Variants in ARAP3 observed in about 807,000 individuals in gnomAD.
ARAP3 encodes the protein arf-GAP with Rho-GAP domain, ANK repeat and PH domain-containing protein 3.
A neutral mutation model predicts 169.2 loss-of-function variants in ARAP3; 82 were observed. That is an observed-to-expected ratio of 0.48 (90% CI 0.41 to 0.58). ARAP3 has a LOEUF of 0.58. ARAP3 is among the 20% of genes least tolerant of loss of function. ARAP3 has a pLI of 0.00. For synonymous variants in ARAP3, 791 were observed against 800.3 expected (o/e 0.99, Z 0.20); for missense variants, 1,764 against 2,018.0 (o/e 0.87, Z 2.41).
intron 20 of ARAP3, 108 bp downstream of exon 20, chr5:141,661,935 T>TC: frequency 1.3e-6 from 2 of 1,516,118 alleles, no homozygotes; most frequent in Non-Finnish European, 1.8e-6. Flanking sequence ...CTCTGGATGA[T>TC]CCCCCAGGGT....
intron 2 of ARAP3, 44 bp downstream of exon 2, chr5:141,679,919 C>T (rs1354636184): frequency 3.1e-6 from 5 of 1,613,034 alleles, no homozygotes; most frequent in South Asian, 1.1e-5. Flanking sequence ...GCTCTCCTCC[C>T]CACTCCTCCC....
rs2099909536 is a variant in ARAP3, at chr5:141,658,651, C to T, written c.3339G>A (p.Leu1113=). 1 of 1,586,038 alleles carries T rather than the reference C, an allele frequency of 6.3e-7. No individual in the cohort carries two copies. The highest frequency in any genetic ancestry group is 1.2e-5 in the South Asian group (1 of 85,978). The change falls in exon 24 of 33, where the codon CTG becomes CTA. Residue 1113 remains leucine, a splice_region_variant and synonymous_variant. Transcript: ENST00000239440. ...CCATGATGAGGTCTCCAGCCTGAGACAGCTGAGGGGAGGGGTAAAAAAGTC... is the reference window on the plus strand; with the variant it reads ...CCATGATGAGGTCTCCAGCCTGAGATAGCTGAGGGGAGGGGTAAAAAAGTC... The part of the protein sequence containing the change: ...SLITTWKDVQ[L]SQAGDLIMEV...
At chr5:141,667,564 G>T (rs2099910830) in intron 16 of ARAP3, among the ~76,000 whole-genome samples, 1 of 150,928 alleles carries the variant, frequency 6.6e-6, no homozygotes, top group Admixed American at 6.6e-5. Flanking sequence ...CTCCCGAGTA[G>T]CTGGGACTAT....
chr5:141,655,295 G>A (rs574237739), intron 32 of ARAP3, 67 bp downstream of exon 32: 45 of 1,531,112 alleles, frequency 2.9e-5, no homozygotes, highest in South Asian at 2.5e-4. Flanking sequence ...CAGCACACCC[G>A]GGGCTCAGGC....
In ARAP3 at chr5:141,671,469, T is replaced by C; in HGVS notation, c.1855-69A>G. The C allele has an allele frequency of 6.3e-7, 1 of 1,598,842 alleles. No individual in the cohort carries two copies. Among genetic ancestry groups the C allele is most frequent in the Non-Finnish European group, 8.5e-7 (1 of 1,172,644 alleles). ...GAGAGCACTGGGGACAGTCGTATCA[T>C]CACTAAAAACAGTCCCCACCACCCA... is the stretch of plus-strand genomic sequence containing the variant. On this transcript the variant is annotated intron_variant, in intron 12 of 32. Transcript: ENST00000239440. The surrounding 1 kb of genome is among the most constrained non-coding windows in gnomAD (Gnocchi z 4.9).
rs781474488 is a variant in ARAP3, at chr5:141,654,181, G to T, written c.4404C>A (p.Gly1468=). 1.2e-6 allele frequency: 2 copies of T among 1,613,982 alleles called. No homozygotes were observed. Among genetic ancestry groups the T allele is most frequent in the Admixed American group, 1.7e-5 (1 of 60,026 alleles). ...CCTGGGGACTGCTCTTTGAAGGGGG[G>T]CCTGGAGGGGGCTCAGGTGGCCTCT... is the stretch of plus-strand genomic sequence containing the variant. The part of the protein sequence containing the change: ...QEERPPEPPP[G]PPSKSSPQAR... The change falls in exon 33 of 33, where the codon GGC becomes GGA. Residue 1468 remains glycine (G), a synonymous_variant. Transcript: ENST00000239440.
chr5:141,670,681 G>T, intron 13 of ARAP3, 53 bp from the exon 14 acceptor site: 1 of 1,492,650 alleles, frequency 6.7e-7, no homozygotes, highest in Non-Finnish European at 9.3e-7. Flanking sequence ...GGGATAACCT[G>T]ACCCCCTCTG....
chr5:141,654,415 C>A lies in ARAP3; in HGVS notation c.4170G>T (p.Gly1390=), dbSNP rs766209266. The A allele has an allele frequency of 1.3e-6, 2 of 1,591,062 alleles. No individual in the cohort carries two copies. The highest frequency in any genetic ancestry group is 1.7e-6 in the Non-Finnish European group (2 of 1,167,456). Residue 1390 remains glycine, a synonymous_variant, in exon 33 of 33, where the codon GGG becomes GGT. Coordinates refer to ENST00000239440, the MANE Select transcript of ARAP3 (RefSeq NM_022481.6). Reference sequence around the variant, plus strand: ...CCAGCTCCTCTTGCTCCTCCACAGACCCCTGGGATGACTTCATTGGCTGGA... The same window carrying A: ...CCAGCTCCTCTTGCTCCTCCACAGAACCCTGGGATGACTTCATTGGCTGGA... ...SMFFPMKSSQ[G]SVEEQEELEE...
rs1173727637 is a variant in ARAP3, at chr5:141,673,589, C to A, written c.902+16G>T. On this transcript the variant is annotated intron_variant, in intron 5 of 32. Transcript: ENST00000239440. ...CAGCCTCTCTTTTCTCCCTCCCTTCCCCTCCCAGCACCCACCCCTGAGGGG... is the reference window on the plus strand; with the variant it reads ...CAGCCTCTCTTTTCTCCCTCCCTTCACCTCCCAGCACCCACCCCTGAGGGG... The A allele has an allele frequency of 1.4e-5, 22 of 1,612,830 alleles. No homozygotes were observed. The highest frequency in any genetic ancestry group is 1.9e-5 in the Non-Finnish European group (22 of 1,179,098).
chr5:141,665,473 C>A, intron 17 of ARAP3, 99 bp from the exon 18 acceptor site: 4 of 1,299,068 alleles, frequency 3.1e-6, no homozygotes, highest in Admixed American at 2.0e-5. Context: ...AGGCTAGGAG[C>A]ATTACAAAAA....
At chr5:141,675,819 A>G (rs2099912107) in intron 4 of ARAP3, among the ~76,000 whole-genome samples, 1 of 152,194 alleles carries the variant, frequency 6.6e-6, no homozygotes. Flanking sequence ...TGAAGTAATC[A>G]GATAAGAACC....
chr5:141,669,048 C>T (rs1212410554), intron 16 of ARAP3, among the ~76,000 whole-genome samples: 2 of 152,166 alleles, frequency 1.3e-5, no homozygotes, highest in Non-Finnish European at 2.9e-5. Context: ...ATTATTATTT[C>T]AACGCCCACA....
chr5:141,667,116 G>A (rs1280713924), intron 16 of ARAP3, among the ~76,000 whole-genome samples: 1 of 151,932 alleles, frequency 6.6e-6, no homozygotes, highest in East Asian at 1.9e-4. Flanking sequence ...GTTTTGCCAT[G>A]TTGCCCAGGC....
At chr5:141,678,770 G>T (rs2099912555) in intron 4 of ARAP3, among the ~76,000 whole-genome samples, 1 of 151,866 alleles carries the variant, frequency 6.6e-6, no homozygotes, top group South Asian at 2.1e-4. Flanking sequence ...TTACAGGTGT[G>T]AGCCACCATG....
Position 141,656,191 on chromosome 5 carries a change from C to CA in ARAP3, c.3872+2dup. The CA allele has an allele frequency of 6.2e-7, 1 of 1,614,094 alleles. No individual in the cohort carries two copies. The highest frequency in any genetic ancestry group is 8.5e-7 in the Non-Finnish European group (1 of 1,180,024). On this transcript the variant is annotated splice_region_variant and intron_variant, in intron 28 of 32. Coordinates refer to ENST00000239440, the MANE Select transcript of ARAP3 (RefSeq NM_022481.6). The stretch of plus-strand genomic sequence containing the variant: ...GAAGTGCGGGCTGGGGAAGAAAACT[C>CA]ACGGTGTTGGGGGCTTTAACTTCTT...
chr5:141,660,834 T>C (rs2099909858), intron 21 of ARAP3, among the ~76,000 whole-genome samples: 1 of 152,158 alleles, frequency 6.6e-6, no homozygotes, highest in East Asian at 1.9e-4. Context: ...TCCCCAGAAT[T>C]GCTCAAAGGC....
At chr5:141,675,235 AC>A (rs779867216) in intron 4 of ARAP3, among the ~76,000 whole-genome samples, 8 of 151,902 alleles carry the variant, frequency 5.3e-5, no homozygotes, top group African/African-American at 1.5e-4. Flanking sequence ...CCCTTAACTA[AC>A]CTGAGTAGAT....
chr5:141,655,810 G>C (rs762949052), intron 30 of ARAP3, 52 bp from the exon 31 acceptor site: 3 of 1,614,022 alleles, frequency 1.9e-6, no homozygotes, highest in Non-Finnish European at 2.5e-6. Flanking sequence ...GCACTGAGGA[G>C]GACAGCTGGG....
In ARAP3 at chr5:141,654,276, T is replaced by C. The variant is rs752776302; in HGVS notation, c.4309A>G (p.Asn1437Asp). Residue 1437 changes from asparagine to aspartate, a missense_variant, in exon 33 of 33, where the codon AAC (asparagine) becomes GAC (aspartate). Transcript: ENST00000239440. ...TTREWTVKPE[N>D]PLTSQKSLDQ... ...AATGACTTCTGGCTGGTGAGGGGGTTCTCTGGCTTCACTGTCCACTCCCGT... is the reference window on the plus strand; with the variant it reads ...AATGACTTCTGGCTGGTGAGGGGGTCCTCTGGCTTCACTGTCCACTCCCGT... The C allele has an allele frequency of 6.2e-7, 1 of 1,614,074 alleles. No homozygotes were observed. Among genetic ancestry groups the C allele is most frequent in the Non-Finnish European group, 8.5e-7 (1 of 1,179,988 alleles).
Sources: gnomAD v4.1 joint callset for allele counts (sites outside exome capture counted in the v4.1 genomes callset) on GRCh38, gnomAD v4.1.1 for gene constraint, Gnocchi (gnomAD v3.1) non-coding constraint, MANE v1.5 for transcripts, NCBI Gene and HGNC (gene_info 2026-07-23, HGNC 2026-07-21) for gene names.